UBXN2B: variants seen among roughly 807,000 people sequenced by gnomAD.
UBXN2B encodes the protein UBX domain protein 2B.
A neutral mutation model predicts 37.5 loss-of-function variants in UBXN2B; 19 were observed. The observed-to-expected ratio is 0.51, with a 90% CI of 0.35 to 0.74. The LOEUF (loss-of-function observed/expected upper bound fraction) is 0.74, where lower values mean the gene tolerates loss of function less well. Ranked by LOEUF, UBXN2B falls within the 30% of genes least tolerant of loss-of-function variation. The pLI, the probability that UBXN2B is intolerant of heterozygous loss-of-function variation, is 0.01. For missense variants in UBXN2B, 370 were observed against 393.2 expected, an observed-to-expected ratio of 0.94 and a Z score of 0.50; for synonymous variants, 145 against 143.8, an observed-to-expected ratio of 1.01 and a Z score of -0.06.
At chr8:58,430,442 C>A in intron 2 of UBXN2B, 77 bp from the exon 3 acceptor site, 1 of 1,048,534 alleles carries the variant, frequency 9.5e-7, no homozygotes, top group Non-Finnish European at 1.3e-6. Flanking sequence ...CTTTTATTTT[C>A]ATAAGACTAT....
chr8:58,443,647 A>AT (rs1723694625), intron 6 of UBXN2B, among the ~76,000 whole-genome samples: 2 of 151,380 alleles, frequency 1.3e-5, no homozygotes, highest in East Asian at 3.9e-4. Context: ...CCAAAAAAAA[A>AT]AAAAAAAAAA....
rs1321631259 is a variant in UBXN2B at position 58,449,708 on chromosome 8, G to A, written c.*2157G>A. 6.6e-6 allele frequency: 1 copy of A among 152,230 alleles called. No homozygotes were observed. Among genetic ancestry groups the A allele is most frequent in the Non-Finnish European group, 1.5e-5 (1 of 68,048 alleles). 9.4% of individuals were successfully genotyped at this position (152,230 alleles called of 1,614,324 possible). A position where few individuals can be genotyped will look rare whatever the true frequency, so the allele number is the denominator to read the frequency against. On this transcript the variant is annotated 3_prime_UTR_variant, in exon 8 of 8. Transcript: ENST00000399598. ...CCCTTCTTTAAGTTTCAAGGCCTGGGAGTAATCTTCAGCTCACTGCTGTTC... is the reference window on the plus strand; with the variant it reads ...CCCTTCTTTAAGTTTCAAGGCCTGGAAGTAATCTTCAGCTCACTGCTGTTC...
At chr8:58,447,104 T>C (rs1808699227) in intron 7 of UBXN2B, among the ~76,000 whole-genome samples, 1 of 152,090 alleles carries the variant, frequency 6.6e-6, no homozygotes, top group Non-Finnish European at 1.5e-5. Context: ...CAGCTGGACC[T>C]GCACTTTTAA....
intron 2 of UBXN2B, among the ~76,000 whole-genome samples, chr8:58,429,622 T>C (rs1563461593): frequency 6.6e-6 from 1 of 151,876 alleles, no homozygotes. Context: ...TCTTACTCAG[T>C]TTTGCATATT....
chr8:58,424,230 G>GAA (rs76910939), intron 2 of UBXN2B, among the ~76,000 whole-genome samples: 3 of 86,008 alleles, frequency 3.5e-5, no homozygotes, highest in Non-Finnish European at 5.0e-5. Context: ...GTTATAAAAA[G>GAA]AAAAAAAAAA....
At chr8:58,446,998 C>T (rs576629217) in intron 7 of UBXN2B, among the ~76,000 whole-genome samples, 7 of 151,554 alleles carry the variant, frequency 4.6e-5, no homozygotes, top group East Asian at 1.9e-4. Flanking sequence ...GGGTTTTCAC[C>T]GTGTTAGCCA....
Position 58,447,684 on chromosome 8 carries a change from C to T in UBXN2B, c.*133C>T, listed in dbSNP as rs1305596518. ...GATAAATTTTGGTTTTATTGTTATT[C>T]TGTCTTCCAATCTGAATATAGACAA... On this transcript the variant is annotated 3_prime_UTR_variant, in exon 8 of 8. Transcript: ENST00000399598. 1.1e-6 allele frequency: 1 copy of T among 875,750 alleles called. No individual in the cohort carries two copies. The highest frequency in any genetic ancestry group is 1.7e-5 in the African/African-American group (1 of 59,038). The allele number at this position is 875,750 out of a possible 1,614,324, so 54.2% of individuals were successfully genotyped here. A position where few individuals can be genotyped will look rare whatever the true frequency, so the allele number is the denominator to read the frequency against.
chr8:58,449,397 T>C lies in UBXN2B; in HGVS notation c.*1846T>C, dbSNP rs1354468700. On this transcript the variant is annotated 3_prime_UTR_variant, in exon 8 of 8. Coordinates refer to ENST00000399598, the MANE Select transcript of UBXN2B (RefSeq NM_001077619.2). Reference sequence around the variant, plus strand: ...GTGCTCAAAAGTCACAATCCATTATTACAGCATCAACTCTAAATCCAAAAT... The same window carrying C: ...GTGCTCAAAAGTCACAATCCATTATCACAGCATCAACTCTAAATCCAAAAT... 6.6e-6 allele frequency: 1 copy of C among 152,084 alleles called. No individual in the cohort carries two copies. Among genetic ancestry groups the C allele is most frequent in the African/African-American group, 2.4e-5 (1 of 41,404 alleles). 9.4% of individuals were successfully genotyped at this position (152,084 alleles called of 1,614,324 possible). A position where few individuals can be genotyped will look rare whatever the true frequency, so the allele number is the denominator to read the frequency against.
intron 2 of UBXN2B, among the ~76,000 whole-genome samples, chr8:58,429,673 G>C (rs1808196535): frequency 6.6e-6 from 1 of 152,130 alleles, no homozygotes; most frequent in African/African-American, 2.4e-5. Flanking sequence ...TCCATTCCTA[G>C]TCTCCAAGGC....
intron 2 of UBXN2B, chr8:58,424,527 T>A: frequency 1.3e-6 from 1 of 787,480 alleles, no homozygotes; most frequent in South Asian, 1.6e-5. Context: ...GAAAGTTTGA[T>A]CTTTTTAGGG....
intron 6 of UBXN2B, among the ~76,000 whole-genome samples, chr8:58,440,037 CACTT>C (rs1243565130): frequency 1.3e-5 from 2 of 152,180 alleles, no homozygotes; most frequent in Admixed American, 6.5e-5. Flanking sequence ...TGTGTTATCT[CACTT>C]AATCTTTACA....
intron 2 of UBXN2B, chr8:58,426,616 C>A: frequency 1.3e-6 from 1 of 747,538 alleles, no homozygotes; most frequent in South Asian, 1.3e-5. Flanking sequence ...CTGTCAGCTC[C>A]TCTTATCAAC....
intron 6 of UBXN2B, among the ~76,000 whole-genome samples, chr8:58,440,532 A>T (rs1001332748): frequency 2.6e-5 from 4 of 152,358 alleles, no homozygotes; most frequent in African/African-American, 7.2e-5. Flanking sequence ...AGAATGTATG[A>T]GTGGTTTCCT....
chr8:58,434,750 A>G, intron 5 of UBXN2B: 1 of 1,483,504 alleles, frequency 6.7e-7, no homozygotes. Context: ...AAATCTGATG[A>G]AACTATGAAC....
At chr8:58,419,673 G>T (rs1220673054) in intron 2 of UBXN2B, among the ~76,000 whole-genome samples, 2 of 152,202 alleles carry the variant, frequency 1.3e-5, no homozygotes, top group Non-Finnish European at 1.5e-5. Context: ...GGCCTTAAAA[G>T]GATTTAAGAT....
chr8:58,435,775 C>T (rs1235745481), intron 5 of UBXN2B, among the ~76,000 whole-genome samples: 4 of 152,028 alleles, frequency 2.6e-5, no homozygotes, highest in Admixed American at 2.6e-4. Context: ...TTGAGCCACA[C>T]CATATCTGCA....
chr8:58,438,468 A>G (rs2081689), intron 5 of UBXN2B, among the ~76,000 whole-genome samples: 47,586 of 152,100 alleles, frequency 0.31, 7,932 homozygotes, highest in Admixed American at 0.48. Flanking sequence ...TCTTGCACCA[A>G]TATGCCCTGT....
chr8:58,414,915 T>C lies in UBXN2B; in HGVS notation c.85-1935T>C, dbSNP rs368119759. Among the ~76,000 whole-genome samples the C allele has an allele frequency of 7.9e-4, 120 of 152,286 alleles. 2 individuals carry two copies. Among genetic ancestry groups the C allele is most frequent in the African/African-American group, 2.8e-3 (118 of 41,580 alleles). On this transcript the variant is annotated intron_variant, in intron 1 of 7. Transcript: ENST00000399598. ...TCACCAAAGAAAATTGTTATTTGAT[T>C]GGAAGCATTTATTCAAATCTTGTTA... is the stretch of plus-strand genomic sequence containing the variant.
chr8:58,411,783 GACTT>G (rs1807645448), intron 1 of UBXN2B, among the ~76,000 whole-genome samples: 1 of 152,208 alleles, frequency 6.6e-6, no homozygotes, highest in African/African-American at 2.4e-5. Flanking sequence ...TCCTTCTTGA[GACTT>G]ACTCCAGAAG....
Sources: allele counts gnomAD v4.1 joint callset (sites outside exome capture counted in the v4.1 genomes callset), GRCh38; gene constraint gnomAD v4.1.1; transcripts MANE v1.5; gene names NCBI Gene and HGNC (gene_info 2026-07-23, HGNC 2026-07-21).